The following MYO5B variants were observed in gnomAD, a reference collection of about 807,000 sequenced individuals.
MYO5B encodes unconventional myosin-Vb.
Under a neutral mutation model 229.3 loss-of-function variants are expected in MYO5B, and 143 were observed. The ratio of observed to expected loss-of-function variants is 0.62; its 90% CI spans 0.54 to 0.72. The LOEUF (loss-of-function observed/expected upper bound fraction) is 0.72. Among genes scored for constraint, MYO5B ranks in the 30% least tolerant of loss-of-function variants. MYO5B has a pLI of 0.00. For synonymous variants in MYO5B, 918 were observed against 885.2 expected, an observed-to-expected ratio of 1.04 and a Z score of -0.66; for missense variants, 2,321 against 2,331.0, an observed-to-expected ratio of 1.00 and a Z score of 0.09.
intron 1 of MYO5B, among the ~76,000 whole-genome samples, chr18:50,193,798 C>T (rs994470261): frequency 1.3e-5 from 2 of 152,252 alleles, no homozygotes; most frequent in African/African-American, 4.8e-5. Context: ...AAGGCCTTTG[C>T]CCCTCTCACT....
In MYO5B at chr18:50,195,006, C is replaced by T; in HGVS notation, c.-213G>A. The T allele has an allele frequency of 1.7e-6, 1 of 580,664 alleles. No homozygotes were observed. Among genetic ancestry groups the T allele is most frequent in the Non-Finnish European group, 2.5e-6 (1 of 404,736 alleles). The allele number at this position is 580,664 out of a possible 1,614,324, so 36.0% of individuals were successfully genotyped here. A position where few individuals can be genotyped will look rare whatever the true frequency, so the allele number is the denominator to read the frequency against. ...TACTCCCGCCGCGGCGGCGCAGCTA[C>T]GGCCGGACAGGAGTTGCGAGCGCCG... is the stretch of plus-strand genomic sequence containing the variant. On this transcript the variant is annotated 5_prime_UTR_variant, in exon 1 of 40. Coordinates refer to ENST00000285039, the MANE Select transcript of MYO5B (RefSeq NM_001080467.3).
At chr18:49,956,420 C>A (rs1319639459) in intron 12 of MYO5B, among the ~76,000 whole-genome samples, 2 of 152,108 alleles carry the variant, frequency 1.3e-5, no homozygotes, top group Non-Finnish European at 2.9e-5. Flanking sequence ...TGGCTTTTGC[C>A]ATTAAATAGC....
At chr18:49,884,419 T>C (rs932852578) in intron 22 of MYO5B, among the ~76,000 whole-genome samples, 3 of 151,972 alleles carry the variant, frequency 2.0e-5, no homozygotes, top group African/African-American at 7.3e-5. Context: ...CACCATAATG[T>C]AGAATCAGTG....
At chr18:49,856,956 C>T in intron 29 of MYO5B, 66 bp from the exon 30 acceptor site, 1 of 1,372,244 alleles carries the variant, frequency 7.3e-7, no homozygotes, top group Admixed American at 1.7e-5. Context: ...GGCAGGGAGT[C>T]CTGGAAAGTG....
At chr18:50,028,730 T>C (rs566380308) in intron 4 of MYO5B, among the ~76,000 whole-genome samples, 1 of 152,316 alleles carries the variant, frequency 6.6e-6, no homozygotes, top group African/African-American at 2.4e-5. Flanking sequence ...AAAAGACCAC[T>C]TGCCAGAACA....
Position 49,858,664 on chromosome 18 carries a change from C to G in MYO5B, c.3945-1774G>C, listed in dbSNP as rs116380953. ...ACAAGGAAGTTAGGATTAATGAATGCCCAGGCCACCAGCCTCACAGGGCCA... is the reference window on the plus strand; with the variant it reads ...ACAAGGAAGTTAGGATTAATGAATGGCCAGGCCACCAGCCTCACAGGGCCA... On this transcript the variant is annotated intron_variant, in intron 29 of 39. Coordinates refer to ENST00000285039, the MANE Select transcript of MYO5B (RefSeq NM_001080467.3). Among the ~76,000 whole-genome samples, 748 of 152,354 alleles carry G rather than the reference C, an allele frequency of 4.9e-3. 9 individuals are homozygous for G. The highest frequency in any genetic ancestry group is 0.017 in the African/African-American group (715 of 41,584).
chr18:49,837,929 G>A, intron 36 of MYO5B, 127 bp from the exon 37 acceptor site: 2 of 1,268,870 alleles, frequency 1.6e-6, no homozygotes, highest in Non-Finnish European at 2.3e-6. Flanking sequence ...ATGTTGACAT[G>A]CTTAGGAACT....
In MYO5B at chr18:49,974,552, G is replaced by A; in HGVS notation, c.1120C>T (p.His374Tyr). ...ACCAGCTTGCGATGACACAGCCAGT[G>A]CTCCATCTGACTGTGCTCCACCCCT... ...LLGVEHSQME[H>Y]WLCHRKLVTT... Residue 374 changes from histidine (H) to tyrosine (Y), a missense_variant, in exon 10 of 40, where the codon CAC becomes TAC. Physicochemically the swap from His to Tyr is moderately conservative, Grantham distance 83. Transcript: ENST00000285039. The A allele has an allele frequency of 1.9e-6, 3 of 1,614,102 alleles. No homozygotes were observed. Among genetic ancestry groups the A allele is most frequent in the Non-Finnish European group, 2.5e-6 (3 of 1,179,982 alleles).
At chr18:49,862,515 C>A (rs558518203) in intron 29 of MYO5B, among the ~76,000 whole-genome samples, 1 of 152,204 alleles carries the variant, frequency 6.6e-6, no homozygotes, top group East Asian at 1.9e-4. Flanking sequence ...AGGCACCTAT[C>A]GGTCATGTGA....
chr18:49,954,912 T>C (rs2025476176), intron 12 of MYO5B, among the ~76,000 whole-genome samples: 2 of 152,232 alleles, frequency 1.3e-5, no homozygotes, highest in African/African-American at 4.8e-5. Flanking sequence ...TTGTCCAGGT[T>C]TGGCTCAAGT....
In MYO5B at chr18:49,902,816, C is replaced by T; in HGVS notation, c.2589G>A (p.Lys863=). ...RTYRQVLMEH[K]ATTIQKHVRG... ...GCACGTGCTTCTGGATGGTGGTGGC[C>T]TTGTGCTCCATGAGGACCTGGCGGG... The change falls in exon 21 of 40, where the codon AAG becomes AAA. Residue 863 remains lysine (K), a synonymous_variant. Coordinates refer to ENST00000285039, the MANE Select transcript of MYO5B (RefSeq NM_001080467.3). 6.2e-7 allele frequency: 1 copy of T among 1,600,854 alleles called. No individual in the cohort carries two copies. Among genetic ancestry groups the T allele is most frequent in the Non-Finnish European group, 8.5e-7 (1 of 1,179,892 alleles).
At chr18:50,082,039 A>G (rs1308430936) in intron 1 of MYO5B, among the ~76,000 whole-genome samples, 1 of 152,252 alleles carries the variant, frequency 6.6e-6, no homozygotes, top group Non-Finnish European at 1.5e-5. Flanking sequence ...TATACCCATA[A>G]AAGTCAGTTC....
chr18:49,995,144 C>T lies in MYO5B; in HGVS notation c.613-2713G>A, dbSNP rs568823233. ...AGCACTCCTCCATACTCTGTCTCCT[C>T]CAAACCACTCACTACCAGACAGAAA... On this transcript the variant is annotated intron_variant, in intron 5 of 39. Coordinates refer to ENST00000285039, the MANE Select transcript of MYO5B (RefSeq NM_001080467.3). 9.2e-5 allele frequency among the ~76,000 whole-genome samples: 14 copies of T among 152,314 alleles called. No individual in the cohort carries two copies. In the East Asian group the frequency reaches 2.5e-3, roughly 27 times the overall value.
At position 49,826,440 on chromosome 18, in the gene MYO5B, G is replaced by C. The variant is rs200745043; in HGVS notation, c.*31C>G. The C allele has an allele frequency of 6.9e-5, 112 of 1,612,204 alleles. No individual in the cohort carries two copies. In the East Asian group the frequency reaches 1.9e-3, roughly 27 times the overall value. On this transcript the variant is annotated 3_prime_UTR_variant, in exon 40 of 40. Transcript: ENST00000285039. ...ATATACTTCCTTCTTGCTCACATTG[G>C]GAATCAAACTAATGCTGGAAACATG...
chr18:50,000,242 T>A (rs1205494977), intron 5 of MYO5B, among the ~76,000 whole-genome samples: 3 of 152,188 alleles, frequency 2.0e-5, no homozygotes, highest in Non-Finnish European at 1.5e-5. Context: ...TGGTGACTTG[T>A]GCCTTAGTCG....
At chr18:50,107,394 C>T (rs2031781986) in intron 1 of MYO5B, among the ~76,000 whole-genome samples, 1 of 151,934 alleles carries the variant, frequency 6.6e-6, no homozygotes, top group Admixed American at 6.6e-5. Flanking sequence ...ATCCACCAAC[C>T]ACCAGAGAAA....
At chr18:50,011,367 T>TC (rs1202709611) in intron 4 of MYO5B, among the ~76,000 whole-genome samples, 1 of 152,138 alleles carries the variant, frequency 6.6e-6, no homozygotes, top group African/African-American at 2.4e-5. Context: ...GGTGATCTCC[T>TC]CTTCCTTTGT....
At chr18:50,150,816 T>C (rs947951397) in intron 1 of MYO5B, among the ~76,000 whole-genome samples, 11 of 151,948 alleles carry the variant, frequency 7.2e-5, no homozygotes. Flanking sequence ...ACATGTACCC[T>C]AAAACTTAAA....
chr18:50,165,268 A>G (rs1336909943), intron 1 of MYO5B, among the ~76,000 whole-genome samples: 1 of 152,130 alleles, frequency 6.6e-6, no homozygotes, highest in African/African-American at 2.4e-5. Flanking sequence ...GGATCACTTG[A>G]GTCCAGGAGT....
Sources: gnomAD v4.1 joint callset for allele counts (sites outside exome capture counted in the v4.1 genomes callset) on GRCh38, gnomAD v4.1.1 for gene constraint, MANE v1.5 for transcripts, NCBI Gene and HGNC (gene_info 2026-07-23, HGNC 2026-07-21) for gene names.